Variants in DEUP1 observed in about 807,000 individuals in gnomAD.
DEUP1 encodes the protein coiled-coil domain containing 67.
In DEUP1, 82 loss-of-function variants were observed where a neutral mutation model predicts 87.4. The ratio of observed to expected loss-of-function variants is 0.94; its 90% CI spans 0.78 to 1.13. DEUP1 has a LOEUF of 1.13. DEUP1 is among the 50% of genes most tolerant of loss of function. The pLI is 0.00. For missense variants in DEUP1, 663 were observed against 681.5 expected (o/e 0.97, Z 0.30); for synonymous variants, 214 against 222.7 (o/e 0.96, Z 0.35).
chr11:93,347,991 C>T (rs1160956738), intron 2 of DEUP1, among the ~76,000 whole-genome samples: 1 of 152,190 alleles, frequency 6.6e-6, no homozygotes, highest in Admixed American at 6.5e-5. Flanking sequence ...CCGCCCACCT[C>T]AGCCTCCCAA....
intron 4 of DEUP1, among the ~76,000 whole-genome samples, chr11:93,360,400 T>C (rs1945111360): frequency 6.6e-6 from 1 of 152,144 alleles, no homozygotes; most frequent in Non-Finnish European, 1.5e-5. Flanking sequence ...CAGGTATCAA[T>C]AAAAATCATT....
chr11:93,417,698 A>T (rs1156481395), intron 13 of DEUP1, among the ~76,000 whole-genome samples: 2 of 145,812 alleles, frequency 1.4e-5, no homozygotes. Flanking sequence ...TTCATATGGA[A>T]CCAAAAAAGA....
chr11:93,416,029 G>C (rs1346940085), intron 13 of DEUP1, among the ~76,000 whole-genome samples: 1 of 152,076 alleles, frequency 6.6e-6, no homozygotes, highest in Non-Finnish European at 1.5e-5. Flanking sequence ...GGAATACCGA[G>C]GTCATAGGAT....
chr11:93,437,332 T>C (rs1948275736), intron 13 of DEUP1, among the ~76,000 whole-genome samples: 1 of 152,256 alleles, frequency 6.6e-6, no homozygotes, highest in Non-Finnish European at 1.5e-5. Context: ...AGCTTTTTAA[T>C]GTAATGGTGC....
chr11:93,420,732 A>G (rs1164843901), intron 13 of DEUP1, among the ~76,000 whole-genome samples: 1 of 137,482 alleles, frequency 7.3e-6, no homozygotes, highest in Non-Finnish European at 1.6e-5. Context: ...ATACAAAATC[A>G]ATGTGCAAAA....
intron 7 of DEUP1, among the ~76,000 whole-genome samples, chr11:93,376,105 C>T (rs1411359620): frequency 6.6e-6 from 1 of 152,144 alleles, no homozygotes; most frequent in Non-Finnish European, 1.5e-5. Context: ...CCTACCACCA[C>T]ACCCAGGTAA....
intron 12 of DEUP1, among the ~76,000 whole-genome samples, chr11:93,412,958 GTATT>G (rs1947483700): frequency 6.6e-6 from 1 of 152,140 alleles, no homozygotes; most frequent in African/African-American, 2.4e-5. Context: ...AAAACATGTT[GTATT>G]TGTTTTTGTG....
chr11:93,382,666 A>C (rs565438695), intron 7 of DEUP1, among the ~76,000 whole-genome samples: 1 of 152,168 alleles, frequency 6.6e-6, no homozygotes, highest in African/African-American at 2.4e-5. Flanking sequence ...ACTTTTCTAC[A>C]TGCAACTTCA....
Position 93,383,547 on chromosome 11 carries a change from A to G in DEUP1, c.790-1851A>G, listed in dbSNP as rs1946399264. The G allele has an allele frequency of 6.1e-6, 4 of 654,268 alleles. No homozygotes were observed. The East Asian group carries it at 1.1e-4, about 18-fold the overall frequency. 40.5% of individuals were successfully genotyped at this position (654,268 alleles called of 1,614,324 possible). On this transcript the variant is annotated intron_variant, in intron 7 of 13. Transcript: ENST00000298050. ...AATGCTCTGGAATAAAGTAGTGGTG[A>G]TGTTCAACTTTGTGACTAAATTGAA... is the stretch of plus-strand genomic sequence containing the variant.
chr11:93,380,470 G>A (rs931255409), intron 7 of DEUP1, among the ~76,000 whole-genome samples: 14 of 151,930 alleles, frequency 9.2e-5, no homozygotes, highest in South Asian at 2.1e-4. Context: ...GTGCAATCTC[G>A]GCTCACTGCA....
At chr11:93,375,034 CTTT>C (rs60565734) in intron 7 of DEUP1, among the ~76,000 whole-genome samples, 1 of 126,590 alleles carries the variant, frequency 7.9e-6, no homozygotes, top group Non-Finnish European at 1.7e-5. Context: ...TTTTTCTTTT[CTTT>C]TTTTTTTTTT....
chr11:93,394,646 C>A lies in DEUP1; in HGVS notation c.1229C>A (p.Ala410Glu). The change falls in exon 10 of 14, where the codon GCA becomes GAA. Residue 410 changes from alanine to glutamate, a missense_variant. Ala to Glu is a moderately radical substitution (Grantham distance 107). Coordinates refer to ENST00000298050, the MANE Select transcript of DEUP1 (RefSeq NM_181645.4). ...MELEIKEKMLAKQKVSDMKYK... is the reference protein window; with the variant it reads ...MELEIKEKMLEKQKVSDMKYK... ...TTAGAAATAAAAGAAAAAATGTTAG[C>A]AAAACAAAAGGTATGCAAGCAGGCA... 6.2e-7 allele frequency: 1 copy of A among 1,609,430 alleles called. No homozygotes were observed.
Position 93,352,360 on chromosome 11 carries a change from C to A in DEUP1, c.30-3011C>A, listed in dbSNP as rs144313864. On this transcript the variant is annotated intron_variant, in intron 2 of 13. Transcript: ENST00000298050. ...TATCCAGTCTGAGTGACTGGACTTA[C>A]ACCAGCTCCCTGGAGAATGCTTCAG... 409 of 702,518 alleles carry A rather than the reference C, an allele frequency of 5.8e-4. 7 individuals are homozygous for A. Among genetic ancestry groups the A allele is most frequent in the South Asian group, 5.7e-3 (387 of 67,582 alleles). The allele number at this position is 702,518 out of a possible 1,614,324, so 43.5% of individuals were successfully genotyped here. A position where few individuals can be genotyped will look rare whatever the true frequency, so the allele number is the denominator to read the frequency against.
chr11:93,390,792 G>A (rs561477027), intron 9 of DEUP1, among the ~76,000 whole-genome samples: 25 of 152,212 alleles, frequency 1.6e-4, no homozygotes, highest in Admixed American at 1.5e-3. Context: ...TATATAAATA[G>A]CTTCCAAGTG....
intron 8 of DEUP1, 95 bp downstream of exon 8, chr11:93,385,638 T>C (rs1946508144): frequency 1.0e-6 from 1 of 960,290 alleles, no homozygotes; most frequent in South Asian, 2.0e-5. Flanking sequence ...GAATATAAAG[T>C]CTATTTTGTA....
rs1191313773 is a variant in DEUP1 at position 93,336,674 on chromosome 11, C to A, written c.29+4386C>A. On this transcript the variant is annotated intron_variant, in intron 2 of 13. Coordinates refer to ENST00000298050, the MANE Select transcript of DEUP1 (RefSeq NM_181645.4). ...TCTACTGTACCTGGTGTTCCCCAAC[C>A]CCAGTCCAGAGCCTTTCTGTTTTAG... Among the ~76,000 whole-genome samples, 3 of 152,168 alleles carry A rather than the reference C, an allele frequency of 2.0e-5. No homozygotes were observed. The East Asian group carries it at 5.8e-4, about 29-fold the overall frequency.
chr11:93,378,967 T>G (rs183934952), intron 7 of DEUP1, among the ~76,000 whole-genome samples: 119 of 152,338 alleles, frequency 7.8e-4, no homozygotes, highest in Non-Finnish European at 1.5e-3. Context: ...TTAAGTCTTT[T>G]TGGATTTGAT....
intron 2 of DEUP1, among the ~76,000 whole-genome samples, chr11:93,333,934 A>G (rs1173143694): frequency 6.6e-6 from 1 of 152,186 alleles, no homozygotes; most frequent in Non-Finnish European, 1.5e-5. Flanking sequence ...TGTTGAACCT[A>G]AGGTTGGGTC....
At chr11:93,377,732 A>G (rs899226976) in intron 7 of DEUP1, among the ~76,000 whole-genome samples, 1 of 152,012 alleles carries the variant, frequency 6.6e-6, no homozygotes, top group African/African-American at 2.4e-5. Context: ...TGCTTCAAGG[A>G]GGTTCTATAT....
Sources: gnomAD v4.1 joint callset for allele counts (sites outside exome capture counted in the v4.1 genomes callset) on GRCh38, gnomAD v4.1.1 for gene constraint, MANE v1.5 for transcripts, NCBI Gene and HGNC (gene_info 2026-07-23, HGNC 2026-07-21) for gene names.